Variants in VPS51 observed in about 807,000 individuals in gnomAD.
VPS51 encodes VPS51 subunit of GARP complex, also known as vacuolar protein sorting-associated protein 51 homolog.
VPS51 carries 55 observed loss-of-function variants against 65.1 expected under a neutral mutation model. That is an observed-to-expected ratio of 0.84 (90% CI 0.68 to 1.06). VPS51 has a LOEUF of 1.06. VPS51 is among the 50% of genes least tolerant of loss of function. The probability of loss-of-function intolerance (pLI) is 0.00; values close to 1 mark genes in which losing one functional copy is unlikely to be tolerated. For synonymous variants in VPS51, 473 were observed against 489.5 expected (o/e 0.97, Z 0.44); for missense variants, 943 against 1,101.6 (o/e 0.86, Z 2.04).
rs746675463 is a variant in VPS51, at chr11:65,109,805, T to C, written c.1760T>C (p.Ile587Thr). Residue 587 changes from isoleucine to threonine, a missense_variant, in exon 7 of 10, where the codon ATA (isoleucine) becomes ACA (threonine). Coordinates refer to ENST00000279281, the MANE Select transcript of VPS51 (RefSeq NM_013265.4). The stretch of plus-strand genomic sequence containing the variant: ...TACGTGAAGGTGCAGGGCCTGGTCA[T>C]ATCACAGATGCTGCGCAAGAGCGTG... ...THYVKVQGLV[I>T]SQMLRKSVET... is the part of the protein sequence containing the mutation. 2 of 1,609,632 alleles carry C rather than the reference T, an allele frequency of 1.2e-6. No homozygotes were observed. The highest frequency in any genetic ancestry group is 8.5e-7 in the Non-Finnish European group (1 of 1,178,704).
rs1020345110 is a variant in VPS51, at chr11:65,111,807, T to C, written c.*220T>C. The stretch of plus-strand genomic sequence containing the variant: ...CCGCCCCCGAGCGCCGATTGGCTGG[T>C]GTGCTGGGCCCAGCATGGGCAGGGG... On this transcript the variant is annotated 3_prime_UTR_variant, in exon 10 of 10. Transcript: ENST00000279281. The C allele has an allele frequency of 3.2e-6, 3 of 940,646 alleles. No homozygotes were observed. The highest frequency in any genetic ancestry group is 4.6e-6 in the Non-Finnish European group (3 of 646,808). 58.3% of individuals were successfully genotyped at this position (940,646 alleles called of 1,614,324 possible).
chr11:65,099,383 T>C (rs1289596439), intron 2 of VPS51, among the ~76,000 whole-genome samples: 1 of 152,086 alleles, frequency 6.6e-6, no homozygotes, highest in African/African-American at 2.4e-5. Flanking sequence ...GATGTGCAGT[T>C]TAACTAGAAA....
chr11:65,097,000 G>T lies in VPS51; in HGVS notation c.231G>T (p.Leu77=). Residue 77 remains leucine, a splice_region_variant and synonymous_variant, in exon 2 of 10, where the codon CTG becomes CTT. Coordinates refer to ENST00000279281, the MANE Select transcript of VPS51 (RefSeq NM_013265.4). ...HFDPEVYLDK[L]RRECPLAQLM... ...CACTAACCACCCAACTTCTTCAGCT[G>T]CGTAGAGAGTGCCCTCTGGCCCAGT... 6.2e-7 allele frequency: 1 copy of T among 1,613,416 alleles called. No individual in the cohort carries two copies. The highest frequency in any genetic ancestry group is 1.1e-5 in the South Asian group (1 of 91,056).
chr11:65,108,880 A>G lies in VPS51; in HGVS notation c.1409A>G (p.Lys470Arg), dbSNP rs753040548. The G allele has an allele frequency of 3.1e-6, 5 of 1,613,020 alleles. No individual in the cohort carries two copies. The Admixed American group carries it at 8.3e-5, about 27-fold the overall frequency. The change falls in exon 5 of 10, where the codon AAA becomes AGA. Residue 470 changes from lysine (K) to arginine (R), a missense_variant. By Grantham distance (26) the Lys-to-Arg change is conservative (BLOSUM62 2). Coordinates refer to ENST00000279281, the MANE Select transcript of VPS51 (RefSeq NM_013265.4). Reference sequence around the variant, plus strand: ...GCAGCAGTGCACCTTTTCACCGCCAAAGAGGTGTCCTTCTCCAACAAGCCC... The same window carrying G: ...GCAGCAGTGCACCTTTTCACCGCCAGAGAGGTGTCCTTCTCCAACAAGCCC... ...SLAAVHLFTA[K>R]EVSFSNKPYF...
chr11:65,110,922 GTT>G, intron 9 of VPS51, 141 bp downstream of exon 9: 1 of 1,002,138 alleles, frequency 1.0e-6, no homozygotes, highest in Non-Finnish European at 1.5e-6. Context: ...CTCTAGGGCT[GTT>G]TTTAGGTAGT....
In VPS51 at chr11:65,111,511, C is replaced by T; in HGVS notation, c.2273C>T (p.Ala758Val). ...LVHLLLDEVV[A>V]SAALRCPDPV... ...CACTTGCTGCTGGACGAAGTGGTGG[C>T]CTCTGCTGCCCTGCGCTGCCCAGAC... Residue 758 changes from alanine to valine, a missense_variant, in exon 10 of 10, where the codon GCC becomes GTC. By Grantham distance (64) the Ala-to-Val change is moderately conservative (BLOSUM62 0). This residue lies in a region of VPS51 where 88 missense variants were observed against 147.8 expected (regional missense o/e 0.60). Coordinates refer to ENST00000279281, the MANE Select transcript of VPS51 (RefSeq NM_013265.4). The T allele has an allele frequency of 1.9e-6, 3 of 1,613,560 alleles. No homozygotes were observed. Among genetic ancestry groups the T allele is most frequent in the Non-Finnish European group, 2.5e-6 (3 of 1,180,038 alleles).
At chr11:65,109,947 A>T (rs761916967) in intron 7 of VPS51, 24 bp downstream of exon 7, 2 of 1,567,484 alleles carry the variant, frequency 1.3e-6, no homozygotes, top group Non-Finnish European at 1.7e-6. Flanking sequence ...TGGCCGGGGT[A>T]GCCCTGACGC....
chr11:65,100,525 G>GTTTTTTTTTT, intron 2 of VPS51, among the ~76,000 whole-genome samples: 1 of 65,642 alleles, frequency 1.5e-5, no homozygotes, highest in Non-Finnish European at 2.8e-5. Flanking sequence ...TCATAGCAGT[G>GTTTTTTTTTT]TTTTTTTTTT....
intron 1 of VPS51, 170 bp from the exon 2 acceptor site, chr11:65,096,828 C>G (rs1159087935): frequency 9.9e-7 from 1 of 1,009,692 alleles, no homozygotes; most frequent in African/African-American, 1.6e-5. Flanking sequence ...CCTAGTAACC[C>G]CTGAGCTAGG....
intron 2 of VPS51, among the ~76,000 whole-genome samples, chr11:65,098,780 AT>A (rs1947788210): frequency 6.6e-6 from 1 of 152,224 alleles, no homozygotes; most frequent in Admixed American, 6.5e-5. Context: ...TACATTTTCC[AT>A]TTGTTGGAAT....
Position 65,110,603 on chromosome 11 carries a change from G to T in VPS51, c.2000G>T (p.Ser667Ile). ...QGRYAPSYTP[S>I]APMDTNLLSN... ...CGCTACGCCCCCAGCTATACCCCCA[G>T]GTCTGGCTGGTCAGGGGAGCCCCAG... Residue 667 changes from serine (S) to isoleucine (I), a missense_variant and splice_region_variant, in exon 8 of 10, where the codon AGT becomes ATT. Physicochemically the swap from Ser to Ile is moderately radical, Grantham distance 142. This residue lies in a region of VPS51 where 855 missense variants were observed against 953.7 expected (regional missense o/e 0.90). Coordinates refer to ENST00000279281, the MANE Select transcript of VPS51 (RefSeq NM_013265.4). The T allele has an allele frequency of 6.2e-7, 1 of 1,614,058 alleles. No individual in the cohort carries two copies. Among genetic ancestry groups the T allele is most frequent in the Non-Finnish European group, 8.5e-7 (1 of 1,180,016 alleles).
intron 9 of VPS51, 72 bp downstream of exon 9, chr11:65,110,853 C>G: frequency 6.3e-7 from 1 of 1,576,120 alleles, no homozygotes; most frequent in Non-Finnish European, 8.7e-7. Context: ...CCACACCTGC[C>G]CAAGGAGCCC....
chr11:65,106,375 A>G (rs1436380868), intron 2 of VPS51, among the ~76,000 whole-genome samples: 1 of 152,238 alleles, frequency 6.6e-6, no homozygotes, highest in East Asian at 1.9e-4. Flanking sequence ...TCATGGCAGA[A>G]GGTGAAAGAG....
intron 2 of VPS51, among the ~76,000 whole-genome samples, chr11:65,099,649 G>C (rs909636155): frequency 6.6e-6 from 1 of 151,934 alleles, no homozygotes; most frequent in African/African-American, 2.4e-5. Context: ...AAATAGCTGG[G>C]TATGGTGGCA....
chr11:65,111,052 T>C (rs1214407058), intron 9 of VPS51: 1 of 687,542 alleles, frequency 1.5e-6, no homozygotes, highest in African/African-American at 1.8e-5. Flanking sequence ...CCCACAGTAG[T>C]CTTGGGTCCT....
intron 2 of VPS51, among the ~76,000 whole-genome samples, chr11:65,102,310 T>C (rs1204015973): frequency 3.9e-5 from 6 of 152,204 alleles, no homozygotes; most frequent in African/African-American, 1.2e-4. Flanking sequence ...CCCAGCCTGC[T>C]TTTCTTAACA....
In VPS51 at chr11:65,108,835, G is replaced by A. The variant is rs140186079; in HGVS notation, c.1364G>A (p.Ser455Asn). The stretch of plus-strand genomic sequence containing the variant: ...GCCAATGTGGCCAGCTCCATCCTGA[G>A]CCACATTAAGGCCTCTCTGGCAGCA... ...LLANVASSIL[S>N]HIKASLAAVH... The change falls in exon 5 of 10, where the codon AGC (serine) becomes AAC (asparagine). Residue 455 changes from serine (S) to asparagine (N), a missense_variant. Transcript: ENST00000279281. 2.3e-4 allele frequency: 371 copies of A among 1,612,996 alleles called. 1 individual carries two copies. Among genetic ancestry groups the A allele is most frequent in the Non-Finnish European group, 2.2e-4 (259 of 1,180,020 alleles).
chr11:65,096,986 C>T lies in VPS51; in HGVS notation c.229-12C>T, dbSNP rs368995837. On this transcript the variant is annotated splice_polypyrimidine_tract_variant and intron_variant, in intron 1 of 9. Coordinates refer to ENST00000279281, the MANE Select transcript of VPS51 (RefSeq NM_013265.4). ...CCTCCTGACCCGAACACTAACCACC[C>T]AACTTCTTCAGCTGCGTAGAGAGTG... is the stretch of plus-strand genomic sequence containing the variant. 1 of 1,612,716 alleles carries T rather than the reference C, an allele frequency of 6.2e-7. No individual in the cohort carries two copies. Among genetic ancestry groups the T allele is most frequent in the Non-Finnish European group, 8.5e-7 (1 of 1,179,948 alleles).
intron 2 of VPS51, among the ~76,000 whole-genome samples, chr11:65,102,534 G>T (rs543502322): frequency 1.3e-5 from 2 of 152,170 alleles, no homozygotes; most frequent in Non-Finnish European, 2.9e-5. Flanking sequence ...TTAGAAGTTG[G>T]ATTCAAGCTT....
Sources: gnomAD v4.1 joint callset for allele counts (sites outside exome capture counted in the v4.1 genomes callset) on GRCh38, gnomAD v4.1.1 for gene constraint, gnomAD v4.1.1 regional missense constraint, MANE v1.5 for transcripts, NCBI Gene and HGNC (gene_info 2026-07-23, HGNC 2026-07-21) for gene names.